Variants in PRICKLE1 observed in about 807,000 individuals in gnomAD.
PRICKLE1 encodes prickle planar cell polarity protein 1, also known as prickle-like protein 1.
PRICKLE1 carries 14 observed loss-of-function variants against 70.2 expected under a neutral mutation model. The ratio of observed to expected loss-of-function variants is 0.20; its 90% confidence interval spans 0.13 to 0.31. PRICKLE1 has a LOEUF of 0.31. Ranked by LOEUF, PRICKLE1 falls within the 10% of genes least tolerant of loss-of-function variation. PRICKLE1 has a pLI of 1.00. For missense variants in PRICKLE1, 821 were observed against 1,026.2 expected, an observed-to-expected ratio of 0.80 and a Z score of 2.73; for synonymous variants, 357 against 379.9, an observed-to-expected ratio of 0.94 and a Z score of 0.70.
intron 1 of PRICKLE1, among the ~76,000 whole-genome samples, chr12:42,557,327 T>C (rs1344611637): frequency 6.6e-6 from 1 of 152,230 alleles, no homozygotes; most frequent in Non-Finnish European, 1.5e-5. Flanking sequence ...CTTAAGTGTC[T>C]GTTAAATAGA....
In PRICKLE1 at chr12:42,464,609, C is replaced by A. The variant is rs1938007089; in HGVS notation, c.1425G>T (p.Gln475His). The A allele has an allele frequency of 1.9e-6, 3 of 1,613,972 alleles. No individual in the cohort carries two copies. Among genetic ancestry groups the A allele is most frequent in the Non-Finnish European group, 2.5e-6 (3 of 1,180,006 alleles). The change falls in exon 7 of 8, where the codon CAG becomes CAT. Residue 475 changes from glutamine (Q) to histidine (H), a missense_variant. Physicochemically the swap from Gln to His is conservative, Grantham distance 24 (BLOSUM62 0). Coordinates refer to ENST00000345127, the MANE Select transcript of PRICKLE1 (RefSeq NM_153026.3). This position sits in a 1 kb window ranked among gnomAD's most constrained non-coding sequence, Gnocchi z 4.2. ...CAGAATCGCCCAGTCCATCTTGTGACTGTGCCCAGTACATATCAGACTGGT... is the reference window on the plus strand; with the variant it reads ...CAGAATCGCCCAGTCCATCTTGTGAATGTGCCCAGTACATATCAGACTGGT... Reference protein sequence around the residue: ...KKYQSDMYWAQSQDGLGDSAY... With the variant: ...KKYQSDMYWAHSQDGLGDSAY...
chr12:42,508,975 T>C (rs1248787969), intron 1 of PRICKLE1, among the ~76,000 whole-genome samples: 2 of 152,350 alleles, frequency 1.3e-5, no homozygotes, highest in East Asian at 1.9e-4. Context: ...GTCAGTTGTA[T>C]ATATAGGGGC....
In PRICKLE1 at chr12:42,536,025, C is replaced by T. The variant is rs137903525; in HGVS notation, c.-49+53440G>A. On this transcript the variant is annotated intron_variant, in intron 1 of 7. Coordinates refer to ENST00000345127, the MANE Select transcript of PRICKLE1 (RefSeq NM_153026.3). ...AATTTACCCACAAACTAACACAGTA[C>T]ATTCAAAGCAACACCCGAGTAAAAG... 1.8e-3 allele frequency among the ~76,000 whole-genome samples: 270 copies of T among 152,308 alleles called. 3 individuals are homozygous for T. Among genetic ancestry groups the T allele is most frequent in the African/African-American group, 6.0e-3 (248 of 41,570 alleles).
At chr12:42,587,937 AT>A (rs1053186976) in intron 1 of PRICKLE1, among the ~76,000 whole-genome samples, 49 of 151,386 alleles carry the variant, frequency 3.2e-4, no homozygotes, top group Non-Finnish European at 1.0e-4. Context: ...CTGTCATGGG[AT>A]TTTTTTTTGT....
intron 1 of PRICKLE1, among the ~76,000 whole-genome samples, chr12:42,567,242 G>A (rs1940635499): frequency 6.6e-6 from 1 of 152,158 alleles, no homozygotes; most frequent in Non-Finnish European, 1.5e-5. Context: ...ATTCTATTAA[G>A]AGCAGGATAC....
chr12:42,514,487 T>G (rs1162498680), intron 1 of PRICKLE1, among the ~76,000 whole-genome samples: 1 of 152,150 alleles, frequency 6.6e-6, no homozygotes, highest in Non-Finnish European at 1.5e-5. Context: ...TAATTACTGC[T>G]ACAAAAGAAT....
chr12:42,477,955 CTT>C (rs35905569), intron 1 of PRICKLE1, among the ~76,000 whole-genome samples: 16,782 of 133,032 alleles, frequency 0.13, 1,382 homozygotes, highest in African/African-American at 0.26. Flanking sequence ...CTGCCCTATA[CTT>C]TTTTTTTTTT....
At chr12:42,475,338 C>T (rs4768412) in intron 1 of PRICKLE1, among the ~76,000 whole-genome samples, 48,579 of 152,112 alleles carry the variant, frequency 0.32, 8,314 homozygotes, top group Non-Finnish European at 0.38. Flanking sequence ...ATTAGTGTTA[C>T]GGCATTTAAT....
intron 1 of PRICKLE1, among the ~76,000 whole-genome samples, chr12:42,488,721 A>G (rs1333878898): frequency 1.3e-5 from 2 of 152,348 alleles, no homozygotes; most frequent in Non-Finnish European, 1.5e-5. Flanking sequence ...AGTATACAGT[A>G]TAATCATATT....
intron 5 of PRICKLE1, among the ~76,000 whole-genome samples, chr12:42,467,071 G>A (rs1938123111): frequency 6.6e-6 from 1 of 151,794 alleles, no homozygotes; most frequent in Admixed American, 6.6e-5. Context: ...GGACAGAGAC[G>A]GGGTCTCACC....
chr12:42,496,674 C>CAACT lies in PRICKLE1; in HGVS notation c.-48-24111_-48-24110insAGTT, dbSNP rs1939207200. The stretch of plus-strand genomic sequence containing the variant: ...ACTTGCTGCAGCTTCTCCATCACCA[C>CAACT]TCGCTACTTCACCTTGCACTTTCAT... On this transcript the variant is annotated intron_variant, in intron 1 of 7. Transcript: ENST00000345127. Among the ~76,000 whole-genome samples the CAACT allele has an allele frequency of 8.5e-4, 129 of 152,354 alleles. 1 individual carries two copies. The highest frequency in any genetic ancestry group is 3.0e-3 in the African/African-American group (126 of 41,570).
chr12:42,564,607 A>G (rs1940591750), intron 1 of PRICKLE1, among the ~76,000 whole-genome samples: 1 of 152,202 alleles, frequency 6.6e-6, no homozygotes, highest in Non-Finnish European at 1.5e-5. Context: ...AAACTCTTCA[A>G]AAAAAGAAAA....
intron 1 of PRICKLE1, among the ~76,000 whole-genome samples, chr12:42,476,418 G>A (rs1465433754): frequency 3.3e-5 from 5 of 151,804 alleles, no homozygotes; most frequent in Non-Finnish European, 7.4e-5. Flanking sequence ...CTGACCTTAG[G>A]TGATCTGCCC....
At chr12:42,526,866 T>C (rs1241201101) in intron 1 of PRICKLE1, among the ~76,000 whole-genome samples, 1 of 151,970 alleles carries the variant, frequency 6.6e-6, no homozygotes, top group Non-Finnish European at 1.5e-5. Context: ...GTCTCTAGCA[T>C]GGCAATAGGA....
intron 1 of PRICKLE1, among the ~76,000 whole-genome samples, chr12:42,537,337 A>AT (rs973371406): frequency 1.3e-5 from 2 of 151,308 alleles, no homozygotes; most frequent in African/African-American, 4.9e-5. Flanking sequence ...TTAAAAAAAA[A>AT]TTTTTTTTGG....
chr12:42,558,653 A>T (rs1940452609), intron 1 of PRICKLE1, among the ~76,000 whole-genome samples: 1 of 152,200 alleles, frequency 6.6e-6, no homozygotes, highest in Non-Finnish European at 1.5e-5. Flanking sequence ...CTAAACTACA[A>T]AGCAACACTT....
chr12:42,459,782 A>T lies in PRICKLE1; in HGVS notation c.*27T>A. On this transcript the variant is annotated 3_prime_UTR_variant, in exon 8 of 8. Coordinates refer to ENST00000345127, the MANE Select transcript of PRICKLE1 (RefSeq NM_153026.3). ...TTCAGACGGTTAATGGCTAAGTTTT[A>T]AACAAATGCTCTGCATCACTACTTG... 6.2e-7 allele frequency: 1 copy of T among 1,613,808 alleles called. No homozygotes were observed. The highest frequency in any genetic ancestry group is 1.7e-5 in the Admixed American group (1 of 60,026).
At chr12:42,554,549 C>A (rs1376987269) in intron 1 of PRICKLE1, among the ~76,000 whole-genome samples, 1 of 152,112 alleles carries the variant, frequency 6.6e-6, no homozygotes, top group African/African-American at 2.4e-5. Flanking sequence ...TTTGTATTTC[C>A]CTTTTAGACT....
In PRICKLE1 at chr12:42,465,271, G is replaced by C. The variant is rs749591023; in HGVS notation, c.776-13C>G. The C allele has an allele frequency of 1.2e-6, 2 of 1,613,678 alleles. No individual in the cohort carries two copies. The highest frequency in any genetic ancestry group is 2.2e-5 in the South Asian group (2 of 91,006). On this transcript the variant is annotated splice_polypyrimidine_tract_variant and intron_variant, in intron 6 of 7. Coordinates refer to ENST00000345127, the MANE Select transcript of PRICKLE1 (RefSeq NM_153026.3). ...GCATGGTCCACACCTGTTTTGAAAA[G>C]GATAGAATAAATAACAGGTTATGGT... is the stretch of plus-strand genomic sequence containing the variant.
Sources: gnomAD v4.1 joint callset for allele counts (sites outside exome capture counted in the v4.1 genomes callset) on GRCh38, gnomAD v4.1.1 for gene constraint, Gnocchi (gnomAD v3.1) non-coding constraint, MANE v1.5 for transcripts, NCBI Gene and HGNC (gene_info 2026-07-23, HGNC 2026-07-21) for gene names.